SBF2: variants seen among roughly 807,000 people sequenced by gnomAD.
SBF2 encodes the protein SET binding factor 2, also known as myotubularin-related protein 13.
A neutral mutation model predicts 225.2 loss-of-function variants in SBF2; 112 were observed. The observed-to-expected ratio is 0.50, with a 90% CI of 0.43 to 0.58. The LOEUF is 0.58. Ranked by LOEUF, SBF2 falls within the 20% of genes least tolerant of loss-of-function variation. The probability of loss-of-function intolerance (pLI) is 0.00; values close to 1 mark genes in which losing one functional copy is unlikely to be tolerated. For missense variants in SBF2, 1,996 were observed against 2,206.2 expected (o/e 0.90, Z 1.91); for synonymous variants, 763 against 773.3 (o/e 0.99, Z 0.22).
chr11:10,237,056 C>G lies in SBF2; in HGVS notation c.56-43069G>C, dbSNP rs148565718. Among the ~76,000 whole-genome samples the G allele has an allele frequency of 5.9e-5, 9 of 152,284 alleles. No homozygotes were observed. The East Asian group carries it at 1.7e-3, about 29-fold the overall frequency. Reference sequence around the variant, plus strand: ...ATGAAGGTTTAGAAGATAAGCAGGGCTACTGACAGGCACAAAGGAATGTGG... The same window carrying G: ...ATGAAGGTTTAGAAGATAAGCAGGGGTACTGACAGGCACAAAGGAATGTGG... On this transcript the variant is annotated intron_variant, in intron 1 of 39. Transcript: ENST00000256190.
intron 17 of SBF2, among the ~76,000 whole-genome samples, chr11:9,888,309 C>A (rs1473788930): frequency 6.6e-6 from 1 of 151,828 alleles, no homozygotes. Flanking sequence ...CCAGCCTGGG[C>A]AATACAGTGA....
rs1362842695 is a variant in SBF2 at position 9,865,709 on chromosome 11, AAAAAAAAG to A, written c.1930-7321_1930-7314del. Among the ~76,000 whole-genome samples, 1,083 of 144,670 alleles carry A rather than the reference AAAAAAAAG, an allele frequency of 7.5e-3. 79 individuals carry two copies. Among genetic ancestry groups the A allele is most frequent in the African/African-American group, 0.028 (1,026 of 36,982 alleles). 94.9% of individuals were successfully genotyped at this position (144,670 alleles called of 152,430 possible). Reference sequence around the variant, plus strand: ...GTCTCAAAAAAAAAAAAAAAAAAAAAAAAAAAAGGCGGGAGGCGTTGGGGGGCGAAACT... The same window carrying A: ...GTCTCAAAAAAAAAAAAAAAAAAAAAGCGGGAGGCGTTGGGGGGCGAAACT... On this transcript the variant is annotated intron_variant, in intron 17 of 39. Coordinates refer to ENST00000256190, the MANE Select transcript of SBF2 (RefSeq NM_030962.4).
In SBF2 at chr11:9,889,268, T is replaced by A. The variant is rs187711035; in HGVS notation, c.1929+6675A>T. 1.1e-3 allele frequency among the ~76,000 whole-genome samples: 172 copies of A among 152,312 alleles called. 1 individual carries two copies. Among genetic ancestry groups the A allele is most frequent in the Non-Finnish European group, 2.3e-3 (157 of 68,020 alleles). On this transcript the variant is annotated intron_variant, in intron 17 of 39. Coordinates refer to ENST00000256190, the MANE Select transcript of SBF2 (RefSeq NM_030962.4). ...CTAACTGCTTCTCTGATTAGGTAAG[T>A]TAGATTCATACAAATGACACAGATT...
At chr11:10,217,374 T>C (rs901987191) in intron 1 of SBF2, among the ~76,000 whole-genome samples, 20 of 152,178 alleles carry the variant, frequency 1.3e-4, no homozygotes, top group African/African-American at 1.9e-4. Flanking sequence ...CTTTTTACTT[T>C]ATATTCTTCT....
At chr11:10,141,623 G>A (rs1189240255) in intron 2 of SBF2, among the ~76,000 whole-genome samples, 3 of 152,074 alleles carry the variant, frequency 2.0e-5, no homozygotes, top group Admixed American at 1.3e-4. Flanking sequence ...ATAAGGTGAT[G>A]CTGCTTGATA....
chr11:9,939,325 G>T (rs61876950), intron 16 of SBF2, among the ~76,000 whole-genome samples: 56,842 of 151,660 alleles, frequency 0.37, 11,128 homozygotes, highest in Admixed American at 0.46. Context: ...GTTGATCTCC[G>T]GACCTTGTGA....
intron 2 of SBF2, among the ~76,000 whole-genome samples, chr11:10,106,463 C>T (rs554252119): frequency 6.6e-6 from 1 of 152,090 alleles, no homozygotes; most frequent in East Asian, 1.9e-4. Context: ...CCCATCTCTA[C>T]TAAAAATACA....
At position 9,868,337 on chromosome 11, in the gene SBF2, C is replaced by CAA. The variant is rs35348349; in HGVS notation, c.1930-9943_1930-9942dup. ...GTGAAATCCCGTCTCTACAAAAATA[C>CAA]AAAAAAAAAAAAAAAAAAAAAAAAA... On this transcript the variant is annotated intron_variant, in intron 17 of 39. Transcript: ENST00000256190. Among the ~76,000 whole-genome samples, 83 of 26,374 alleles carry CAA rather than the reference C, an allele frequency of 3.1e-3. 2 individuals are homozygous for CAA. The highest frequency in any genetic ancestry group is 5.6e-3 in the African/African-American group (25 of 4,442). The allele number at this position is 26,374 out of a possible 152,430, so 17.3% of individuals were successfully genotyped here. A position where few individuals can be genotyped will look rare whatever the true frequency, so the allele number is the denominator to read the frequency against.
chr11:10,197,880 T>C (rs992999387), intron 1 of SBF2, among the ~76,000 whole-genome samples: 8 of 152,252 alleles, frequency 5.3e-5, no homozygotes, highest in African/African-American at 1.4e-4. Context: ...AAGCTTCATC[T>C]GTTAAAGGTT....
At chr11:9,796,159 T>TG (rs902805694) in intron 32 of SBF2, among the ~76,000 whole-genome samples, 3 of 149,540 alleles carry the variant, frequency 2.0e-5, no homozygotes, top group African/African-American at 7.3e-5. Context: ...AGACGAGGGT[T>TG]TTTTTTTTTT....
chr11:10,157,751 C>A (rs1565296238), intron 2 of SBF2, among the ~76,000 whole-genome samples: 1 of 152,116 alleles, frequency 6.6e-6, no homozygotes, highest in Admixed American at 6.5e-5. Context: ...GAAATCATAT[C>A]CCCCTGCCCA....
chr11:9,985,863 T>G (rs899648609), intron 13 of SBF2, among the ~76,000 whole-genome samples: 5 of 152,188 alleles, frequency 3.3e-5, no homozygotes, highest in African/African-American at 1.2e-4. Context: ...CTGGCAGCAT[T>G]AGACAGGTCA....
chr11:10,015,969 G>T (rs1948633245), intron 6 of SBF2, among the ~76,000 whole-genome samples: 1 of 152,034 alleles, frequency 6.6e-6, no homozygotes, highest in South Asian at 2.1e-4. Context: ...TAGAGATGGG[G>T]TCCCACCTTG....
intron 2 of SBF2, chr11:10,149,315 C>T (rs1330337898): frequency 6.6e-6 from 1 of 152,016 alleles, no homozygotes; most frequent in Non-Finnish European, 1.5e-5. Context: ...GTCTTTTTTG[C>T]TCAAAGCCTT....
chr11:10,285,136 C>T (rs1341441752), intron 1 of SBF2, among the ~76,000 whole-genome samples: 1 of 151,916 alleles, frequency 6.6e-6, no homozygotes, highest in African/African-American at 2.4e-5. Context: ...ATGGTGAAAC[C>T]CCATCTCTAC....
intron 3 of SBF2, among the ~76,000 whole-genome samples, chr11:10,040,423 T>TG (rs1435269806): frequency 2.0e-5 from 3 of 151,858 alleles, no homozygotes; most frequent in South Asian, 2.1e-4. Flanking sequence ...GTATTAAAAA[T>TG]GGGGGGTGAG....
chr11:10,094,528 A>ATTTTTTTTT (rs60485793), intron 2 of SBF2, among the ~76,000 whole-genome samples: 4,076 of 106,772 alleles, frequency 0.038, 394 homozygotes, highest in East Asian at 0.14. Context: ...ATACACACAG[A>ATTTTTTTTT]TTTTTTTTTT....
intron 17 of SBF2, 42 bp downstream of exon 17, chr11:9,895,901 T>C: frequency 7.1e-7 from 1 of 1,399,676 alleles, no homozygotes; most frequent in African/African-American, 1.4e-5. Context: ...AATACATTTA[T>C]GTAAATCATA....
chr11:10,099,288 G>C (rs527865246), intron 2 of SBF2, among the ~76,000 whole-genome samples: 1 of 151,928 alleles, frequency 6.6e-6, no homozygotes, highest in Non-Finnish European at 1.5e-5. Flanking sequence ...AAAATGTTAC[G>C]GACCAGAAGA....
Sources: gnomAD v4.1 joint callset for allele counts (sites outside exome capture counted in the v4.1 genomes callset) on GRCh38, gnomAD v4.1.1 for gene constraint, MANE v1.5 for transcripts, NCBI Gene and HGNC (gene_info 2026-07-23, HGNC 2026-07-21) for gene names.